The following SRGAP2C variants were observed in gnomAD, a reference collection of about 807,000 sequenced individuals.
The protein encoded by SRGAP2C is SLIT-ROBO Rho GTPase activating protein 2C.
Under a neutral mutation model 25.1 loss-of-function variants are expected in SRGAP2C, and 15 were observed. The ratio of observed to expected loss-of-function variants is 0.60; its 90% confidence interval spans 0.40 to 0.92. The LOEUF is 0.92. SRGAP2C is among the 40% of genes least tolerant of loss of function. SRGAP2C has a pLI of 0.00. For synonymous variants in SRGAP2C, 44 were observed against 96.6 expected (o/e 0.46, Z 3.19); for missense variants, 144 against 264.4 (o/e 0.54, Z 3.16).
At chr1:121,346,599 G>A (rs1454892283) in intron 4 of SRGAP2C, among the ~76,000 whole-genome samples, 4 of 152,164 alleles carry the variant, frequency 2.6e-5, no homozygotes, top group Admixed American at 2.0e-4. Flanking sequence ...CTAGGCGAGA[G>A]AAGAAAGAGT....
chr1:121,291,047 GAGAC>G (rs1357145537), intron 3 of SRGAP2C, among the ~76,000 whole-genome samples: 2 of 131,736 alleles, frequency 1.5e-5, no homozygotes, highest in African/African-American at 5.7e-5. Context: ...GGTGGGGAGA[GAGAC>G]ACGAGGAAAA....
intron 4 of SRGAP2C, among the ~76,000 whole-genome samples, chr1:121,357,388 A>T (rs1440714623): frequency 7.0e-6 from 1 of 142,016 alleles, no homozygotes; most frequent in East Asian, 2.1e-4. Flanking sequence ...ACAGCCAAGA[A>T]GGATCTTTTC....
At chr1:121,384,996 G>C (rs1659927723) in intron 8 of SRGAP2C, among the ~76,000 whole-genome samples, 1 of 152,104 alleles carries the variant, frequency 6.6e-6, no homozygotes, top group Non-Finnish European at 1.5e-5. Flanking sequence ...AGCTTGTGAA[G>C]GTTCCGCATT....
At chr1:121,216,309 C>G (rs1268045827) in intron 2 of SRGAP2C, among the ~76,000 whole-genome samples, 2 of 152,048 alleles carry the variant, frequency 1.3e-5, no homozygotes, top group African/African-American at 4.8e-5. Context: ...AATGCTGTCT[C>G]TTCCATTTCT....
chr1:121,304,956 A>G, intron 3 of SRGAP2C, among the ~76,000 whole-genome samples: 1 of 152,192 alleles, frequency 6.6e-6, no homozygotes, highest in African/African-American at 2.4e-5. Flanking sequence ...GCGCAGATTC[A>G]GGAGAAGTGA....
At chr1:121,201,739 G>A (rs1654984223) in intron 2 of SRGAP2C, among the ~76,000 whole-genome samples, 1 of 152,226 alleles carries the variant, frequency 6.6e-6, no homozygotes, top group African/African-American at 2.4e-5. Flanking sequence ...AGGCTATTTG[G>A]CCTGTGGAGA....
In SRGAP2C at chr1:121,392,060, C is replaced by T. The variant is rs587641069; in HGVS notation, c.*4205C>T. ...TACAATGATAAAAATTTAAAAATCA[C>T]CAGAGGGATTTAAGAGTATATTTGC... On this transcript the variant is annotated 3_prime_UTR_variant, in exon 10 of 10. Transcript: ENST00000367123. The T allele has an allele frequency of 4.0e-4, 61 of 152,044 alleles. No homozygotes were observed. Among genetic ancestry groups the T allele is most frequent in the African/African-American group, 1.4e-3 (60 of 41,496 alleles). The allele number at this position is 152,044 out of a possible 1,614,324, so 9.4% of individuals were successfully genotyped here.
At chr1:121,249,569 TA>T (rs71224699) in intron 2 of SRGAP2C, among the ~76,000 whole-genome samples, 154 of 30,308 alleles carry the variant, frequency 5.1e-3, no homozygotes, top group African/African-American at 0.023. Flanking sequence ...TATATATATA[TA>T]TATATATATA....
rs1208430965 is a variant in SRGAP2C at position 121,370,764 on chromosome 1, C to A, written c.487-3207C>A. ...CGGCCTGTTCTCAGACTTTCAATAG[C>A]TTATTTTGTGTTTAGCTCTACCTTC... On this transcript the variant is annotated intron_variant, in intron 5 of 9. Transcript: ENST00000367123. 4.7e-4 allele frequency among the ~76,000 whole-genome samples: 71 copies of A among 150,406 alleles called. 1 individual carries two copies. The highest frequency in any genetic ancestry group is 1.6e-3 in the African/African-American group (64 of 40,828).
chr1:121,323,333 G>A (rs1658249157), intron 3 of SRGAP2C, among the ~76,000 whole-genome samples: 1 of 151,854 alleles, frequency 6.6e-6, no homozygotes, highest in Non-Finnish European at 1.5e-5. Context: ...TGAGCATCTA[G>A]GGCCGGGCGC....
At chr1:121,255,409 C>T (rs1365720858) in intron 2 of SRGAP2C, among the ~76,000 whole-genome samples, 2 of 151,698 alleles carry the variant, frequency 1.3e-5, no homozygotes, top group African/African-American at 4.8e-5. Flanking sequence ...GCTTTGCAGA[C>T]TTCCCTTGTT....
chr1:121,385,587 A>G (rs1290472623), intron 8 of SRGAP2C, among the ~76,000 whole-genome samples: 2 of 150,678 alleles, frequency 1.3e-5, no homozygotes, highest in Non-Finnish European at 3.0e-5. Context: ...AAGCAAGGGA[A>G]TGGTCCGTGG....
intron 3 of SRGAP2C, among the ~76,000 whole-genome samples, chr1:121,285,222 G>A (rs1402865905): frequency 2.7e-5 from 4 of 150,804 alleles, no homozygotes; most frequent in Admixed American, 1.3e-4. Context: ...CAGCAAACTT[G>A]TTTATAGCTC....
intron 2 of SRGAP2C, among the ~76,000 whole-genome samples, chr1:121,207,263 A>G (rs1334222133): frequency 1.3e-5 from 2 of 152,218 alleles, no homozygotes; most frequent in Non-Finnish European, 2.9e-5. Flanking sequence ...AGGAATTAAT[A>G]GCATTTTCTT....
Position 121,271,076 on chromosome 1 carries a change from C to T in SRGAP2C, c.68-13727C>T, listed in dbSNP as rs1431813783. Among the ~76,000 whole-genome samples the T allele has an allele frequency of 6.6e-5, 10 of 151,150 alleles. 1 individual carries two copies. The highest frequency in any genetic ancestry group is 1.2e-4 in the Non-Finnish European group (8 of 67,768). On this transcript the variant is annotated intron_variant, in intron 2 of 9. Coordinates refer to ENST00000367123, the MANE Select transcript of SRGAP2C (RefSeq NM_001329984.2). ...CCTCCCAAAGTGCTGGGATTATAGG[C>T]GTGAGCCACCGCGCCCAGCTGGACT...
chr1:121,312,208 G>A (rs1657977118), intron 3 of SRGAP2C, among the ~76,000 whole-genome samples: 1 of 14,914 alleles, frequency 6.7e-5, no homozygotes, highest in Non-Finnish European at 1.3e-4. Flanking sequence ...TAGTTTATTT[G>A]CGTAGAGGTG....
At chr1:121,309,573 C>A (rs1467830103) in intron 3 of SRGAP2C, among the ~76,000 whole-genome samples, 2 of 151,764 alleles carry the variant, frequency 1.3e-5, no homozygotes, top group Non-Finnish European at 2.9e-5. Context: ...TCCCTCCCCA[C>A]TCCCCCAACC....
chr1:121,321,784 T>C lies in SRGAP2C; in HGVS notation c.261-2694T>C, dbSNP rs1466659841. Among the ~76,000 whole-genome samples the C allele has an allele frequency of 2.6e-5, 4 of 152,182 alleles. No individual in the cohort carries two copies. In the South Asian group the frequency reaches 6.2e-4, roughly 24 times the overall value. ...TTCTACTTCCAGCCATCCTGTTTAT[T>C]GACCCATCTTTGTTCAGTCATCTTT... On this transcript the variant is annotated intron_variant, in intron 3 of 9. Coordinates refer to ENST00000367123, the MANE Select transcript of SRGAP2C (RefSeq NM_001329984.2).
At chr1:121,277,459 C>T (rs2101557754) in intron 2 of SRGAP2C, among the ~76,000 whole-genome samples, 1 of 150,924 alleles carries the variant, frequency 6.6e-6, no homozygotes, top group East Asian at 2.0e-4. Context: ...GTTGACCAGG[C>T]TGGTCTCAGA....
Sources: gnomAD v4.1 joint callset for allele counts (sites outside exome capture counted in the v4.1 genomes callset) on GRCh38, gnomAD v4.1.1 for gene constraint, MANE v1.5 for transcripts, NCBI Gene and HGNC (gene_info 2026-07-23, HGNC 2026-07-21) for gene names.